The following ANK2 variants were observed in gnomAD, a reference collection of about 807,000 sequenced individuals.
The protein encoded by ANK2 is ankyrin-2.
Under a neutral mutation model 360.5 loss-of-function variants are expected in ANK2, and 83 were observed. That is an observed-to-expected ratio of 0.23 (90% confidence interval 0.19 to 0.28). The LOEUF (loss-of-function observed/expected upper bound fraction) is 0.28. Among genes scored for constraint, ANK2 ranks in the 10% least tolerant of loss-of-function variants. The pLI is 1.00. For missense variants in ANK2, 4,201 were observed against 4,795.7 expected, an observed-to-expected ratio of 0.88 and a Z score of 3.66; for synonymous variants, 1,740 against 1,759.5, an observed-to-expected ratio of 0.99 and a Z score of 0.28.
rs142679317 is a variant in ANK2, at chr4:113,331,447, C to T, written c.3126-525C>T. ...TTATAGCAACCACTTCTCATGTCCT[C>T]CAGTCAGACAGACCAGAGCTTTACA... On this transcript the variant is annotated intron_variant, in intron 27 of 45. Coordinates refer to ENST00000357077, the MANE Select transcript of ANK2 (RefSeq NM_001148.6). Among the ~76,000 whole-genome samples the T allele has an allele frequency of 1.1e-3, 165 of 152,294 alleles. 1 individual carries two copies. Among genetic ancestry groups the T allele is most frequent in the African/African-American group, 3.0e-3 (123 of 41,558 alleles).
intron 45 of ANK2, among the ~76,000 whole-genome samples, chr4:113,377,432 C>T (rs1237606888): frequency 6.6e-6 from 1 of 152,096 alleles, no homozygotes; most frequent in Non-Finnish European, 1.5e-5. Flanking sequence ...TAGCATGTGA[C>T]TGTATATGCA....
At chr4:113,027,905 A>G (rs778964953) in intron 2 of ANK2, among the ~76,000 whole-genome samples, 1 of 152,156 alleles carries the variant, frequency 6.6e-6, no homozygotes, top group Non-Finnish European at 1.5e-5. Flanking sequence ...CAGGTTATGT[A>G]ACATGGTGAC....
the ANK2 span, among the ~76,000 whole-genome samples, chr4:112,721,188 G>T: frequency 1.3e-5 from 2 of 152,210 alleles, no homozygotes; most frequent in Middle Eastern, 6.8e-3. Context: ...TGGAAGGAGG[G>T]TTGCTATTGT....
chr4:113,232,736 A>G lies in ANK2; in HGVS notation c.483+477A>G, dbSNP rs181229992. ...CTTATTGAAGCACAAATTATGACAC[A>G]TGGTTGTGTGACTGATTATGGCAAC... On this transcript the variant is annotated intron_variant, in intron 5 of 45. Transcript: ENST00000357077. 1.5e-4 allele frequency among the ~76,000 whole-genome samples: 23 copies of G among 152,278 alleles called. No homozygotes were observed. The East Asian group carries it at 4.4e-3, about 29-fold the overall frequency.
chr4:112,984,090 A>G (rs2044046507), intron 2 of ANK2, among the ~76,000 whole-genome samples: 1 of 152,234 alleles, frequency 6.6e-6, no homozygotes, highest in Admixed American at 6.5e-5. Context: ...GCCAGTGTGG[A>G]ATCATAACCA....
At chr4:112,803,357 C>T in the ANK2 span, among the ~76,000 whole-genome samples, 3 of 152,068 alleles carry the variant, frequency 2.0e-5, no homozygotes, top group East Asian at 1.9e-4. Flanking sequence ...ACTTTATAAG[C>T]GATAGGCAAG....
chr4:113,354,852 A>T lies in ANK2; in HGVS notation c.6234A>T (p.Glu2078Asp). 4 of 1,614,178 alleles carry T rather than the reference A, an allele frequency of 2.5e-6. No homozygotes were observed. The highest frequency in any genetic ancestry group is 3.4e-6 in the Non-Finnish European group (4 of 1,180,012). The change falls in exon 38 of 46, where the codon GAA (glutamate) becomes GAT (aspartate). Residue 2078 changes from glutamate to aspartate, a missense_variant. Physicochemically the swap from Glu to Asp is conservative, Grantham distance 45. This residue lies in a region of ANK2 where 2,642 missense variants were observed against 2,714.5 expected (regional missense o/e 0.97). Coordinates refer to ENST00000357077, the MANE Select transcript of ANK2 (RefSeq NM_001148.6). ...TTTCCTCCATAGGAGTTAAGAAAGA[A>T]GATGCAGCTGGAGGAAAGGAGAAAG... ...VRVSSIGVKK[E>D]DAAGGKEKVL...
chr4:113,235,782 C>T (rs2099367588), intron 5 of ANK2, among the ~76,000 whole-genome samples: 1 of 147,674 alleles, frequency 6.8e-6, no homozygotes. Flanking sequence ...TGTGCTGTCA[C>T]CCAGGCTGGA....
At chr4:112,863,613 C>G (rs1229399387) in intron 1 of ANK2, among the ~76,000 whole-genome samples, 1 of 150,230 alleles carries the variant, frequency 6.7e-6, no homozygotes. Flanking sequence ...AGCTCCGCCT[C>G]CCGGGTTCAC....
the ANK2 span, among the ~76,000 whole-genome samples, chr4:112,758,752 C>G: frequency 3.3e-5 from 5 of 152,146 alleles, no homozygotes; most frequent in African/African-American, 1.2e-4. Flanking sequence ...AAACCCTTTG[C>G]CAAATACTGT....
intron 2 of ANK2, among the ~76,000 whole-genome samples, chr4:113,036,053 TA>T (rs1198673811): frequency 2.0e-5 from 3 of 151,874 alleles, no homozygotes; most frequent in Non-Finnish European, 4.4e-5. Context: ...TTGAGAAAAT[TA>T]GTTTCCGTAG....
intron 41 of ANK2, among the ~76,000 whole-genome samples, chr4:113,366,527 C>G (rs1191582966): frequency 6.6e-6 from 1 of 151,544 alleles, no homozygotes; most frequent in African/African-American, 2.4e-5. Context: ...TCTCCCACCT[C>G]TGTCTCTATC....
intron 1 of ANK2, among the ~76,000 whole-genome samples, chr4:112,856,217 G>A (rs1371718601): frequency 3.9e-5 from 6 of 152,134 alleles, no homozygotes; most frequent in African/African-American, 1.4e-4. Flanking sequence ...CTTTTTAAGC[G>A]TGAAAGTACA....
chr4:112,864,672 A>C (rs750311454), intron 1 of ANK2, among the ~76,000 whole-genome samples: 4 of 152,090 alleles, frequency 2.6e-5, no homozygotes, highest in Admixed American at 6.5e-5. Context: ...TCATTAGCTC[A>C]TACTATGTTT....
chr4:112,805,883 A>T, the ANK2 span, among the ~76,000 whole-genome samples: 1 of 152,130 alleles, frequency 6.6e-6, no homozygotes, highest in South Asian at 2.1e-4. Context: ...CCACATGCAG[A>T]CTTTTGTATC....
the ANK2 span, among the ~76,000 whole-genome samples, chr4:112,807,784 G>T: frequency 6.6e-6 from 1 of 152,186 alleles, no homozygotes; most frequent in Non-Finnish European, 1.5e-5. Context: ...CCCAGAAACA[G>T]CATTTGGTTG....
At position 112,980,982 on chromosome 4, in the gene ANK2, A is replaced by T. The variant is rs1195153529; in HGVS notation, c.21+76468A>T. ...GAGGTTGCCCAAGAACTTACAGCTG[A>T]TAAGAGGCAGAGTTGAGTTATAAAC... is the stretch of plus-strand genomic sequence containing the variant. On this transcript the variant is annotated intron_variant, in intron 2 of 30. Transcript: ENST00000503271. Among the ~76,000 whole-genome samples the T allele has an allele frequency of 2.6e-5, 4 of 152,350 alleles. No individual in the cohort carries two copies. In the Middle Eastern group the frequency reaches 0.014, roughly 518 times the overall value.
intron 2 of ANK2, among the ~76,000 whole-genome samples, chr4:112,999,400 G>A (rs531928950): frequency 9.2e-5 from 14 of 152,234 alleles, no homozygotes; most frequent in Admixed American, 9.2e-4. Context: ...TTAAGGAAAT[G>A]AAGATCAGAG....
intron 1 of ANK2, among the ~76,000 whole-genome samples, chr4:113,072,666 C>T (rs2154341350): frequency 6.6e-6 from 1 of 151,484 alleles, no homozygotes; most frequent in African/African-American, 2.4e-5. Flanking sequence ...TTATGCAATA[C>T]TCAGCCAAAA....
Sources: gnomAD v4.1 joint callset for allele counts (sites outside exome capture counted in the v4.1 genomes callset) on GRCh38, gnomAD v4.1.1 for gene constraint, gnomAD v4.1.1 regional missense constraint, MANE v1.5 for transcripts, NCBI Gene and HGNC (gene_info 2026-07-23, HGNC 2026-07-21) for gene names.